The following ASTN2 variants were observed in gnomAD, a reference collection of about 807,000 sequenced individuals.
ASTN2 encodes astrotactin 2.
In ASTN2, 54 loss-of-function variants were observed where a neutral mutation model predicts 139.8. The ratio of observed to expected loss-of-function variants is 0.39; its 90% confidence interval spans 0.31 to 0.48. The LOEUF (loss-of-function observed/expected upper bound fraction) is 0.48. Among genes scored for constraint, ASTN2 ranks in the 20% least tolerant of loss-of-function variants. The probability of loss-of-function intolerance (pLI) is 0.95; values close to 1 mark genes in which losing one functional copy is unlikely to be tolerated. For missense variants in ASTN2, 1,565 were observed against 1,725.1 expected, an observed-to-expected ratio of 0.91 and a Z score of 1.64; for synonymous variants, 756 against 719.5, an observed-to-expected ratio of 1.05 and a Z score of -0.81.
chr9:116,966,137 CATCAG>C (rs1240931193), intron 10 of ASTN2, among the ~76,000 whole-genome samples: 2 of 152,194 alleles, frequency 1.3e-5, no homozygotes, highest in African/African-American at 4.8e-5. Context: ...CGTGTCTCAA[CATCAG>C]AAGTCCCCTT....
intron 2 of ASTN2, among the ~76,000 whole-genome samples, chr9:117,229,872 G>A (rs137891406): frequency 1.3e-5 from 2 of 152,112 alleles, no homozygotes; most frequent in Admixed American, 1.3e-4. Flanking sequence ...GCCAGGTGTG[G>A]TGGCTCAGGC....
At chr9:117,117,037 GTAATAGGA>G (rs1829413427) in intron 4 of ASTN2, among the ~76,000 whole-genome samples, 1 of 151,992 alleles carries the variant, frequency 6.6e-6, no homozygotes, top group South Asian at 2.1e-4. Context: ...GGACAATATG[GTAATAGGA>G]TAATATGGTA....
At chr9:116,507,849 T>A (rs1363716680) in intron 19 of ASTN2, among the ~76,000 whole-genome samples, 1 of 152,164 alleles carries the variant, frequency 6.6e-6, no homozygotes, top group Non-Finnish European at 1.5e-5. Flanking sequence ...GCTTACGTAC[T>A]TGGGCAAGTT....
intron 19 of ASTN2, among the ~76,000 whole-genome samples, chr9:116,559,264 A>G (rs1852790296): frequency 6.6e-6 from 1 of 152,210 alleles, no homozygotes; most frequent in Non-Finnish European, 1.5e-5. Context: ...CCGTCCCACA[A>G]ACCAATTTAG....
intron 2 of ASTN2, among the ~76,000 whole-genome samples, chr9:117,259,238 T>G (rs1298870394): frequency 6.6e-6 from 1 of 152,082 alleles, no homozygotes. Context: ...CATGAATGGT[T>G]GGAAAGATTA....
intron 2 of ASTN2, among the ~76,000 whole-genome samples, chr9:117,225,715 G>A: frequency 6.6e-6 from 1 of 151,088 alleles, no homozygotes; most frequent in East Asian, 2.0e-4. Context: ...GGGACCTTGG[G>A]ACATTCTCTC....
At chr9:117,201,207 G>T (rs753830504) in intron 3 of ASTN2, among the ~76,000 whole-genome samples, 5 of 151,690 alleles carry the variant, frequency 3.3e-5, no homozygotes, top group Admixed American at 1.3e-4. Flanking sequence ...ATTTATATGG[G>T]GTCAGTGGTG....
At chr9:116,673,857 A>T (rs547031833) in intron 16 of ASTN2, among the ~76,000 whole-genome samples, 1 of 152,298 alleles carries the variant, frequency 6.6e-6, no homozygotes, top group African/African-American at 2.4e-5. Context: ...CTGCAACCTT[A>T]GCAAACTGAT....
intron 20 of ASTN2, among the ~76,000 whole-genome samples, chr9:116,459,999 A>T (rs899785177): frequency 6.6e-6 from 1 of 152,150 alleles, no homozygotes; most frequent in African/African-American, 2.4e-5. Flanking sequence ...GTGAAAAATG[A>T]CCCAATATCC....
intron 17 of ASTN2, among the ~76,000 whole-genome samples, chr9:116,632,260 A>AGAAAGAAAGAAG (rs1588115824): frequency 2.5e-5 from 3 of 121,560 alleles, no homozygotes; most frequent in East Asian, 4.9e-4. Context: ...AAGGAAAGAA[A>AGAAAGAAAGAAG]GAAAGAAAGA....
chr9:117,310,804 T>C (rs1827950110), intron 1 of ASTN2, among the ~76,000 whole-genome samples: 1 of 152,128 alleles, frequency 6.6e-6, no homozygotes, highest in South Asian at 2.1e-4. Context: ...TTTTATTTTT[T>C]GTAGTGATGG....
intron 11 of ASTN2, among the ~76,000 whole-genome samples, chr9:116,849,119 G>T (rs933909185): frequency 1.3e-5 from 2 of 152,160 alleles, no homozygotes; most frequent in East Asian, 3.9e-4. Flanking sequence ...GTGGGAAGAG[G>T]CACGGAGTTT....
chr9:117,222,183 C>A (rs1039409608), intron 2 of ASTN2, among the ~76,000 whole-genome samples: 2 of 152,148 alleles, frequency 1.3e-5, no homozygotes, highest in Admixed American at 6.5e-5. Context: ...GAAACTGATC[C>A]CTTCCCCATT....
chr9:116,576,643 T>C (rs1211912003), intron 19 of ASTN2, among the ~76,000 whole-genome samples: 1 of 152,156 alleles, frequency 6.6e-6, no homozygotes, highest in Non-Finnish European at 1.5e-5. Context: ...TGCTGGCTCA[T>C]GTGTTGTTGG....
chr9:116,805,436 G>A (rs920408775), intron 13 of ASTN2, among the ~76,000 whole-genome samples, 196 bp downstream of exon 13: 1 of 152,114 alleles, frequency 6.6e-6, no homozygotes, highest in Admixed American at 6.6e-5. Context: ...ACAAATATAT[G>A]CTAGGACCAT....
chr9:116,537,574 A>G (rs1851697072), intron 19 of ASTN2, among the ~76,000 whole-genome samples: 1 of 152,218 alleles, frequency 6.6e-6, no homozygotes. Context: ...AATAATTAAA[A>G]TTTGGTGAAA....
chr9:116,582,695 G>T (rs551723727), intron 19 of ASTN2: 1 of 152,320 alleles, frequency 6.6e-6, no homozygotes, highest in African/African-American at 2.4e-5. Context: ...GTAAGCATGA[G>T]AAAAGATCTA....
chr9:116,693,396 G>A (rs188871286), intron 16 of ASTN2, among the ~76,000 whole-genome samples: 1 of 152,260 alleles, frequency 6.6e-6, no homozygotes, highest in East Asian at 1.9e-4. Flanking sequence ...TTCATGGAAT[G>A]GGGAAAACCC....
At chr9:116,964,262 C>CGT (rs1835951834) in intron 10 of ASTN2, among the ~76,000 whole-genome samples, 2 of 149,314 alleles carry the variant, frequency 1.3e-5, no homozygotes, top group African/African-American at 2.5e-5. Context: ...TGTGTGCGCG[C>CGT]GCGCGCGTGT....
Sources: gnomAD v4.1 joint callset for allele counts (sites outside exome capture counted in the v4.1 genomes callset) on GRCh38, gnomAD v4.1.1 for gene constraint, MANE v1.5 for transcripts, NCBI Gene and HGNC (gene_info 2026-07-23, HGNC 2026-07-21) for gene names.